The following CLCA2 variants were observed in gnomAD, a reference collection of about 807,000 sequenced individuals.
CLCA2 encodes the protein calcium-activated chloride channel regulator 2.
Under a neutral mutation model 82.9 loss-of-function variants are expected in CLCA2, and 85 were observed. That is an observed-to-expected ratio of 1.03 (90% CI 0.86 to 1.23). The LOEUF (loss-of-function observed/expected upper bound fraction) is 1.23. CLCA2 is among the 50% of genes most tolerant of loss of function. The pLI is 0.00. For synonymous variants in CLCA2, 421 were observed against 391.7 expected, an observed-to-expected ratio of 1.07 and a Z score of -0.88; for missense variants, 1,089 against 1,124.8, an observed-to-expected ratio of 0.97 and a Z score of 0.45.
At chr1:86,430,768 T>G in intron 3 of CLCA2, 94 bp from the exon 4 acceptor site, 1 of 892,438 alleles carries the variant, frequency 1.1e-6, no homozygotes, top group East Asian at 2.5e-5. Context: ...TTCCAAAGAG[T>G]ATGTGTGGTC....
At chr1:86,453,992 C>T (rs541022456) in intron 13 of CLCA2, among the ~76,000 whole-genome samples, 65 of 152,272 alleles carry the variant, frequency 4.3e-4, no homozygotes, top group African/African-American at 1.5e-3. Context: ...TTTTGCATAA[C>T]TCATGCAAAC....
At chr1:86,449,046 A>T (rs1183922582) in intron 11 of CLCA2, among the ~76,000 whole-genome samples, 1 of 152,226 alleles carries the variant, frequency 6.6e-6, no homozygotes, top group Non-Finnish European at 1.5e-5. Context: ...AAAAAAAGGA[A>T]CAATAAAAAA....
chr1:86,436,870 C>G (rs1185982894), intron 6 of CLCA2, among the ~76,000 whole-genome samples: 1 of 152,100 alleles, frequency 6.6e-6, no homozygotes, highest in East Asian at 1.9e-4. Context: ...TGTGCCACCA[C>G]GCCCAGCTAA....
rs548989310 is a variant in CLCA2, at chr1:86,434,733, C to G, written c.960C>G (p.Ser320Arg). The G allele has an allele frequency of 9.0e-5, 145 of 1,610,734 alleles. No individual in the cohort carries two copies. The South Asian group carries it at 1.2e-3, about 14-fold the overall frequency. The part of the protein sequence containing the change: ...KVVCLVLDVS[S>R]KMAEADRLLQ... ...TCTGTTTAGTGCTGGATGTGTCCAGCAAGATGGCAGAGGTAACATTTTGAA... is the reference window on the plus strand; with the variant it reads ...TCTGTTTAGTGCTGGATGTGTCCAGGAAGATGGCAGAGGTAACATTTTGAA... Residue 320 changes from serine (S) to arginine (R), a missense_variant, in exon 6 of 14, where the codon AGC (serine) becomes AGG (arginine). By Grantham distance (110) the Ser-to-Arg change is moderately radical. Transcript: ENST00000370565.
At chr1:86,443,606 A>C (rs1343476575) in intron 9 of CLCA2, among the ~76,000 whole-genome samples, 181 bp from the exon 10 acceptor site, 1 of 152,252 alleles carries the variant, frequency 6.6e-6, no homozygotes, top group Non-Finnish European at 1.5e-5. Flanking sequence ...TACTGTACTT[A>C]AATAACATGC....
At chr1:86,430,079 T>C (rs995028287) in intron 3 of CLCA2, among the ~76,000 whole-genome samples, 2 of 151,256 alleles carry the variant, frequency 1.3e-5, no homozygotes, top group Admixed American at 6.7e-5. Flanking sequence ...ACACACTTCC[T>C]GAGTTCCCGG....
intron 12 of CLCA2, 96 bp from the exon 13 acceptor site, chr1:86,453,272 GA>G (rs1663009841): frequency 2.7e-5 from 22 of 815,590 alleles, no homozygotes; most frequent in East Asian, 5.2e-5. Flanking sequence ...ATGTAGTAAA[GA>G]AAAAAAGGTT....
In CLCA2 at chr1:86,450,746, A is replaced by C; in HGVS notation, c.2155+13A>C. The C allele has an allele frequency of 6.3e-7, 1 of 1,578,020 alleles. No individual in the cohort carries two copies. The highest frequency in any genetic ancestry group is 1.2e-5 in the South Asian group (1 of 83,842). On this transcript the variant is annotated intron_variant, in intron 12 of 13. Transcript: ENST00000370565. Reference sequence around the variant, plus strand: ...TACACAGCAAACGGTAAGAACCATTAGCACTGTTATTTGAGTAACATCATT... The same window carrying C: ...TACACAGCAAACGGTAAGAACCATTCGCACTGTTATTTGAGTAACATCATT...
rs1248167894 is a variant in CLCA2, at chr1:86,450,674, C to A, written c.2096C>A (p.Thr699Asn). Residue 699 changes from threonine (T) to asparagine (N), a missense_variant, in exon 12 of 14, where the codon ACC becomes AAC. By Grantham distance (65) the Thr-to-Asn change is moderately conservative (BLOSUM62 0). Transcript: ENST00000370565. ...GTCAATCACTCTCCCAGCATAAGCACCCCAGCCCACTCTATTCCAGGGAGT... is the reference window on the plus strand; with the variant it reads ...GTCAATCACTCTCCCAGCATAAGCAACCCAGCCCACTCTATTCCAGGGAGT... ...VHVNHSPSIS[T>N]PAHSIPGSHA... 4.2e-5 allele frequency: 67 copies of A among 1,613,338 alleles called. No individual in the cohort carries two copies. The highest frequency in any genetic ancestry group is 5.3e-5 in the Non-Finnish European group (63 of 1,179,624).
rs1372417194 is a variant in CLCA2 at position 86,432,279 on chromosome 1, A to C, written c.585-90A>C. Reference sequence around the variant, plus strand: ...GTTTTGTATATATCTAGCAGGCTACAATCCTTGTAATAATTATATAAGCTA... The same window carrying C: ...GTTTTGTATATATCTAGCAGGCTACCATCCTTGTAATAATTATATAAGCTA... On this transcript the variant is annotated intron_variant, in intron 4 of 13. Transcript: ENST00000370565. 2.0e-6 allele frequency: 3 copies of C among 1,483,250 alleles called. No individual in the cohort carries two copies. In the African/African-American group the frequency reaches 4.3e-5, roughly 21 times the overall value. 91.9% of individuals were successfully genotyped at this position (1,483,250 alleles called of 1,614,324 possible).
chr1:86,452,791 A>G (rs571095443), intron 12 of CLCA2, among the ~76,000 whole-genome samples: 10 of 152,270 alleles, frequency 6.6e-5, no homozygotes, highest in Admixed American at 2.0e-4. Flanking sequence ...CTTTGTAAAT[A>G]TATGTTTATT....
chr1:86,451,121 C>A (rs544216874), intron 12 of CLCA2, among the ~76,000 whole-genome samples: 1 of 152,284 alleles, frequency 6.6e-6, no homozygotes, highest in African/African-American at 2.4e-5. Flanking sequence ...AGGAGGCCAA[C>A]AGCCCAAACA....
At chr1:86,426,440 A>G (rs963152771) in intron 2 of CLCA2, among the ~76,000 whole-genome samples, 2 of 152,132 alleles carry the variant, frequency 1.3e-5, no homozygotes, top group Non-Finnish European at 2.9e-5. Context: ...ATAGCAATCC[A>G]GATAGGTACC....
intron 10 of CLCA2, among the ~76,000 whole-genome samples, chr1:86,444,742 C>T (rs924271099): frequency 1.4e-4 from 22 of 152,260 alleles, no homozygotes; most frequent in African/African-American, 4.8e-4. Context: ...CTTTGCACAA[C>T]AGTAAAGTGA....
In CLCA2 at chr1:86,432,443, A is replaced by C; in HGVS notation, c.659A>C (p.Lys220Thr). 1 of 1,614,084 alleles carries C rather than the reference A, an allele frequency of 6.2e-7. No individual in the cohort carries two copies. The highest frequency in any genetic ancestry group is 8.5e-7 in the Non-Finnish European group (1 of 1,179,982). Residue 220 changes from lysine (K) to threonine (T), a missense_variant, in exon 5 of 14, where the codon AAG (lysine) becomes ACG (threonine). Coordinates refer to ENST00000370565, the MANE Select transcript of CLCA2 (RefSeq NM_006536.7). ...PCPQENCIISKLFKEGCTFIY... is the reference protein window; with the variant it reads ...PCPQENCIISTLFKEGCTFIY... ...CCCCAAGAAAACTGTATTATTAGTA[A>C]GCTTTTTAAAGAAGGATGCACCTTT...
In CLCA2 at chr1:86,430,913, A is replaced by C; in HGVS notation, c.527A>C (p.Glu176Ala). The change falls in exon 4 of 14, where the codon GAG becomes GCG. Residue 176 changes from glutamate (E) to alanine (A), a missense_variant. Coordinates refer to ENST00000370565, the MANE Select transcript of CLCA2 (RefSeq NM_006536.7). ...WAHLRWGVFD[E>A]YNNDKPFYIN... ...CACCTCCGTTGGGGTGTGTTCGATGAGTATAACAATGACAAACCTTTCTAC... is the reference window on the plus strand; with the variant it reads ...CACCTCCGTTGGGGTGTGTTCGATGCGTATAACAATGACAAACCTTTCTAC... 6.2e-7 allele frequency: 1 copy of C among 1,613,794 alleles called. No homozygotes were observed. Among genetic ancestry groups the C allele is most frequent in the Non-Finnish European group, 8.5e-7 (1 of 1,179,810 alleles).
chr1:86,428,254 A>G (rs933460413), intron 2 of CLCA2, among the ~76,000 whole-genome samples, 164 bp from the exon 3 acceptor site: 4 of 152,198 alleles, frequency 2.6e-5, no homozygotes, highest in African/African-American at 7.2e-5. Flanking sequence ...AACTCCATCC[A>G]CAAGGTGTTT....
rs1341820447 is a variant in CLCA2, at chr1:86,438,860, C to T, written c.973-16C>T. On this transcript the variant is annotated splice_polypyrimidine_tract_variant and intron_variant, in intron 6 of 13. Coordinates refer to ENST00000370565, the MANE Select transcript of CLCA2 (RefSeq NM_006536.7). ...ACCAAATGTTGCCATTTTCTTTTTTCCTTTTTGGGACATAGGCTGACAGAC... is the reference window on the plus strand; with the variant it reads ...ACCAAATGTTGCCATTTTCTTTTTTTCTTTTTGGGACATAGGCTGACAGAC... 1.2e-6 allele frequency: 2 copies of T among 1,607,070 alleles called. No homozygotes were observed. Among genetic ancestry groups the T allele is most frequent in the Non-Finnish European group, 8.5e-7 (1 of 1,176,330 alleles).
chr1:86,449,120 T>C (rs910332442), intron 11 of CLCA2, among the ~76,000 whole-genome samples: 1 of 152,262 alleles, frequency 6.6e-6, no homozygotes, highest in Admixed American at 6.5e-5. Context: ...CGCATGTACA[T>C]AGTTGTTTAA....
Sources: gnomAD v4.1 joint callset for allele counts (sites outside exome capture counted in the v4.1 genomes callset) on GRCh38, gnomAD v4.1.1 for gene constraint, MANE v1.5 for transcripts, NCBI Gene and HGNC (gene_info 2026-07-23, HGNC 2026-07-21) for gene names.